The following OR6N1 variants were observed in gnomAD, a reference collection of about 807,000 sequenced individuals.
OR6N1 encodes the protein olfactory receptor family 6 subfamily N member 1, also known as olfactory receptor 6N1.
For synonymous variants in OR6N1, 170 were observed against 150.7 expected (o/e 1.13, Z -0.94); for missense variants, 394 against 371.7 (o/e 1.06, Z -0.49).
chr1:158,811,579 G>C, the OR6N1 span, among the ~76,000 whole-genome samples: 1 of 152,172 alleles, frequency 6.6e-6, no homozygotes, highest in Admixed American at 6.5e-5. Context: ...GCAGGTACTG[G>C]ATGGATGTAG....
chr1:158,783,726 A>AT, the OR6N1 span, among the ~76,000 whole-genome samples: 1 of 152,110 alleles, frequency 6.6e-6, no homozygotes, highest in Non-Finnish European at 1.5e-5. Context: ...CAGGGACTGT[A>AT]TTTTTTTCAA....
chr1:158,807,163 A>G, the OR6N1 span, among the ~76,000 whole-genome samples: 8 of 152,288 alleles, frequency 5.3e-5, no homozygotes, highest in East Asian at 1.5e-3. Context: ...TTTAGGGTTG[A>G]ATCTGTCTGT....
At chr1:158,827,186 C>T in the OR6N1 span, among the ~76,000 whole-genome samples, 2 of 152,192 alleles carry the variant, frequency 1.3e-5, no homozygotes, top group Admixed American at 1.3e-4. Context: ...TGAAACATTT[C>T]TTCCACTGCA....
the OR6N1 span, among the ~76,000 whole-genome samples, chr1:158,777,909 G>A: frequency 6.6e-6 from 1 of 151,962 alleles, no homozygotes. Context: ...TGCCTATTTT[G>A]CAAATAAGAA....
At chr1:158,832,887 T>C in the OR6N1 span, among the ~76,000 whole-genome samples, 8 of 152,126 alleles carry the variant, frequency 5.3e-5, no homozygotes, top group Admixed American at 2.6e-4. Flanking sequence ...AGTCCAGATA[T>C]GCAAATTCTA....
At chr1:158,769,023 T>C (rs1657346922) in intron 1 of OR6N1, among the ~76,000 whole-genome samples, 1 of 152,244 alleles carries the variant, frequency 6.6e-6, no homozygotes, top group Non-Finnish European at 1.5e-5. Flanking sequence ...GTCTGAAATA[T>C]AGTTACAACT....
chr1:158,799,146 T>C, the OR6N1 span, among the ~76,000 whole-genome samples: 1 of 152,236 alleles, frequency 6.6e-6, no homozygotes, highest in African/African-American at 2.4e-5. Flanking sequence ...TTTCTATTGC[T>C]AAAGTTTTTA....
At chr1:158,803,973 C>A in the OR6N1 span, among the ~76,000 whole-genome samples, 1 of 152,262 alleles carries the variant, frequency 6.6e-6, no homozygotes, top group Admixed American at 6.5e-5. Context: ...AGCTTAGAAG[C>A]CAATACTGTG....
the OR6N1 span, among the ~76,000 whole-genome samples, chr1:158,803,178 G>A: frequency 1.3e-5 from 2 of 152,124 alleles, no homozygotes; most frequent in Admixed American, 6.5e-5. Context: ...AGTTCAAATT[G>A]GAAAAGCTTT....
the OR6N1 span, among the ~76,000 whole-genome samples, chr1:158,796,796 A>T: frequency 3.2e-4 from 48 of 152,120 alleles, no homozygotes; most frequent in African/African-American, 1.1e-3. Flanking sequence ...TTAAATTGAA[A>T]AATTATTTAT....
the OR6N1 span, among the ~76,000 whole-genome samples, chr1:158,820,298 G>A: frequency 6.6e-6 from 1 of 152,320 alleles, no homozygotes; most frequent in South Asian, 2.1e-4. Flanking sequence ...CAGAGATTTT[G>A]TTTATGGCCA....
At chr1:158,834,074 T>G in the OR6N1 span, among the ~76,000 whole-genome samples, 1 of 152,126 alleles carries the variant, frequency 6.6e-6, no homozygotes, top group Non-Finnish European at 1.5e-5. Flanking sequence ...GCTCCGATGT[T>G]TTGTGCATGT....
the OR6N1 span, among the ~76,000 whole-genome samples, chr1:158,802,875 T>C: frequency 7.9e-5 from 12 of 152,182 alleles, no homozygotes; most frequent in African/African-American, 2.4e-4. Context: ...TATATCCATA[T>C]CCTCAATATG....
At chr1:158,800,808 T>C in the OR6N1 span, among the ~76,000 whole-genome samples, 1 of 151,818 alleles carries the variant, frequency 6.6e-6, no homozygotes, top group African/African-American at 2.4e-5. Context: ...GTCCAGAGAG[T>C]TTTTATTTCA....
the OR6N1 span, among the ~76,000 whole-genome samples, chr1:158,828,861 C>A: frequency 3.3e-5 from 5 of 152,222 alleles, no homozygotes; most frequent in Admixed American, 2.6e-4. Flanking sequence ...CTTCTGAAAT[C>A]TAGGCAGAGG....
At chr1:158,785,925 T>C in the OR6N1 span, among the ~76,000 whole-genome samples, 1 of 152,136 alleles carries the variant, frequency 6.6e-6, no homozygotes, top group African/African-American at 2.4e-5. Context: ...CTTAATCTCG[T>C]GTTGGATGTT....
the OR6N1 span, among the ~76,000 whole-genome samples, chr1:158,794,588 T>C: frequency 6.6e-6 from 1 of 152,160 alleles, no homozygotes; most frequent in Non-Finnish European, 1.5e-5. Context: ...CACCAGCTCT[T>C]ACGGGGATAA....
the OR6N1 span, among the ~76,000 whole-genome samples, chr1:158,811,398 A>G: frequency 6.6e-6 from 1 of 152,158 alleles, no homozygotes; most frequent in African/African-American, 2.4e-5. Flanking sequence ...CACCACCACC[A>G]GTATTGCTAT....
the OR6N1 span, among the ~76,000 whole-genome samples, chr1:158,806,754 T>C: frequency 3.3e-5 from 5 of 151,978 alleles, no homozygotes; most frequent in Non-Finnish European, 7.4e-5. Flanking sequence ...CCCAAAATCA[T>C]AGAGGCAAAA....
Sources: gnomAD v4.1 joint callset for allele counts (sites outside exome capture counted in the v4.1 genomes callset) on GRCh38, gnomAD v4.1.1 for gene constraint, MANE v1.5 for transcripts, NCBI Gene and HGNC (gene_info 2026-07-23, HGNC 2026-07-21) for gene names.